SRSF9: variants seen among roughly 807,000 people sequenced by gnomAD.
The protein encoded by SRSF9 is serine and arginine rich splicing factor 9.
A neutral mutation model predicts 25.9 loss-of-function variants in SRSF9; 3 were observed. The observed-to-expected ratio is 0.12, with a 90% confidence interval of 0.05 to 0.30. The LOEUF (loss-of-function observed/expected upper bound fraction) is 0.30. Ranked by LOEUF, SRSF9 falls within the 10% of genes least tolerant of loss-of-function variation. SRSF9 has a pLI of 1.00. For missense variants in SRSF9, 161 were observed against 303.5 expected (o/e 0.53, Z 3.49); for synonymous variants, 114 against 113.2 (o/e 1.01, Z -0.05).
Position 120,469,495 on chromosome 12 carries a change from G to C in SRSF9, c.115C>G (p.Arg39Gly). ...TTCTTGAGCTCGATCTCGCGGATGC[G>C]GCCGTACTTGTAGAACAGGTCCTCC... ...DLEDLFYKYG[R>G]IREIELKNRH... The change falls in exon 1 of 4, where the codon CGC becomes GGC. Residue 39 changes from arginine (R) to glycine (G), a missense_variant. Around this residue, in one of 3 missense-constraint regions of SRSF9, gnomAD observed 99 missense variants for 156.7 expected, o/e 0.63. Transcript: ENST00000229390. The C allele has an allele frequency of 6.2e-7, 1 of 1,602,846 alleles. No individual in the cohort carries two copies. Among genetic ancestry groups the C allele is most frequent in the Non-Finnish European group, 8.5e-7 (1 of 1,175,866 alleles).
Position 120,467,964 on chromosome 12 carries a change from G to A in SRSF9, c.188+1458C>T, listed in dbSNP as rs569966845. Among the ~76,000 whole-genome samples, 63 of 108,010 alleles carry A rather than the reference G, an allele frequency of 5.8e-4. 2 individuals carry two copies. The highest frequency in any genetic ancestry group is 2.2e-3 in the African/African-American group (60 of 27,192). 70.9% of individuals were successfully genotyped at this position (108,010 alleles called of 152,430 possible). A position where few individuals can be genotyped will look rare whatever the true frequency, so the allele number is the denominator to read the frequency against. On this transcript the variant is annotated intron_variant, in intron 1 of 3. Transcript: ENST00000229390. ...AGAAAAATCAGCCAGGCATGATGGCGGGCGCCTGTAATCCCAGCTACTGGG... is the reference window on the plus strand; with the variant it reads ...AGAAAAATCAGCCAGGCATGATGGCAGGCGCCTGTAATCCCAGCTACTGGG...
At chr12:120,466,611 A>G (rs532315464) in intron 1 of SRSF9, among the ~76,000 whole-genome samples, 33 of 152,110 alleles carry the variant, frequency 2.2e-4, no homozygotes, top group African/African-American at 7.0e-4. Context: ...AGCATAACTC[A>G]CAGCAGCTTC....
intron 3 of SRSF9, chr12:120,463,276 G>A (rs1286610195): frequency 6.6e-6 from 1 of 152,136 alleles, no homozygotes; most frequent in Non-Finnish European, 1.5e-5. Context: ...ACAAGAAAAT[G>A]TTACGGTTTA....
intron 3 of SRSF9, chr12:120,463,152 T>C (rs1461518404): frequency 6.6e-6 from 1 of 152,082 alleles, no homozygotes; most frequent in East Asian, 1.9e-4. Flanking sequence ...CTGGTCTCAA[T>C]GGTACCAAAG....
At chr12:120,466,383 G>C (rs1287008123) in intron 1 of SRSF9, among the ~76,000 whole-genome samples, 3 of 152,116 alleles carry the variant, frequency 2.0e-5, no homozygotes, top group Non-Finnish European at 4.4e-5. Context: ...TTAGATAGGA[G>C]AGTATTTGAG....
At chr12:120,467,469 C>T (rs1878505681) in intron 1 of SRSF9, among the ~76,000 whole-genome samples, 1 of 152,184 alleles carries the variant, frequency 6.6e-6, no homozygotes, top group Admixed American at 6.6e-5. Flanking sequence ...CCGCTACACT[C>T]CAGCCTGCAC....
In SRSF9 at chr12:120,469,303, T is replaced by A. The variant is rs1242582242; in HGVS notation, c.188+119A>T. On this transcript the variant is annotated intron_variant, in intron 1 of 3. Transcript: ENST00000229390. ...ACCCGTGAGGGGGCGCCGTGAGGGG[T>A]CTGCGCGGAGGCGGGGGGAGGGGAG... 3 of 621,968 alleles carry A rather than the reference T, an allele frequency of 4.8e-6. No individual in the cohort carries two copies. The African/African-American group carries it at 6.0e-5, about 12-fold the overall frequency. 38.5% of individuals were successfully genotyped at this position (621,968 alleles called of 1,614,324 possible).
chr12:120,466,232 A>G (rs1338487814), intron 1 of SRSF9, among the ~76,000 whole-genome samples: 1 of 152,230 alleles, frequency 6.6e-6, no homozygotes, highest in African/African-American at 2.4e-5. Flanking sequence ...GTAGGCGGTT[A>G]GCCAGGCATG....
intron 1 of SRSF9, 68 bp downstream of exon 1, chr12:120,469,354 A>T: frequency 1.8e-6 from 2 of 1,088,998 alleles, no homozygotes; most frequent in Non-Finnish European, 2.5e-6. Context: ...GCCCTGGGGG[A>T]GGGGACAGCA....
intron 1 of SRSF9, among the ~76,000 whole-genome samples, chr12:120,466,759 C>T (rs1878489862): frequency 6.6e-6 from 1 of 152,172 alleles, no homozygotes; most frequent in East Asian, 1.9e-4. Context: ...TGGTCTTGAA[C>T]TCCTGGGCTC....
Position 120,465,610 on chromosome 12 carries a change from G to A in SRSF9, c.349+17C>T, listed in dbSNP as rs1878465253. On this transcript the variant is annotated intron_variant, in intron 2 of 3. Coordinates refer to ENST00000229390, the MANE Select transcript of SRSF9 (RefSeq NM_003769.3). ...TATTTTACATGTATCATCTCATTCT[G>A]TTTGAAAGGAACATACCTGAAACAA... is the stretch of plus-strand genomic sequence containing the variant. The A allele has an allele frequency of 6.4e-7, 1 of 1,569,092 alleles. No individual in the cohort carries two copies. Among genetic ancestry groups the A allele is most frequent in the Non-Finnish European group, 8.6e-7 (1 of 1,165,956 alleles).
In SRSF9 at chr12:120,469,592, G is replaced by A. The variant is rs936740323; in HGVS notation, c.18C>T (p.Asp6=). 6.6e-7 allele frequency: 1 copy of A among 1,524,462 alleles called. No individual in the cohort carries two copies. The highest frequency in any genetic ancestry group is 1.2e-5 in the South Asian group (1 of 82,136). 94.4% of individuals were successfully genotyped at this position (1,524,462 alleles called of 1,614,324 possible). Residue 6 remains aspartate, a synonymous_variant, in exon 1 of 4, where the codon GAC becomes GAT. Transcript: ENST00000229390. The part of the protein sequence containing the change: MSGWA[D]ERGGEGDGRI... ...GCCCGTCGCCCTCGCCGCCGCGCTC[G>A]TCCGCCCAGCCCGACATCCGCACCG...
intron 3 of SRSF9, 180 bp from the exon 4 acceptor site, chr12:120,462,342 C>A: frequency 1.9e-6 from 1 of 534,224 alleles, no homozygotes; most frequent in South Asian, 4.0e-5. Flanking sequence ...CTTACTATCC[C>A]ATTTCAAGAA....
chr12:120,464,932 CAG>C (rs1455905575), intron 2 of SRSF9: 1 of 152,158 alleles, frequency 6.6e-6, no homozygotes, highest in Non-Finnish European at 1.5e-5. Context: ...ACAAGATAGG[CAG>C]ATACTGAGAG....
At position 120,469,676 on chromosome 12, in the gene SRSF9, C is replaced by A. The variant is rs987835147; in HGVS notation, c.-67G>T. On this transcript the variant is annotated 5_prime_UTR_variant, in exon 1 of 4. Coordinates refer to ENST00000229390, the MANE Select transcript of SRSF9 (RefSeq NM_003769.3). Reference sequence around the variant, plus strand: ...CCGCCGCCGCCTCAGCACGGGTCCCCCCGCAGCGTCCCCGCGGGCTCCGAG... The same window carrying A: ...CCGCCGCCGCCTCAGCACGGGTCCCACCGCAGCGTCCCCGCGGGCTCCGAG... The A allele has an allele frequency of 9.6e-7, 1 of 1,038,168 alleles. No homozygotes were observed. Among genetic ancestry groups the A allele is most frequent in the East Asian group, 3.9e-5 (1 of 25,426 alleles). 64.3% of individuals were successfully genotyped at this position (1,038,168 alleles called of 1,614,324 possible).
intron 3 of SRSF9, chr12:120,462,932 T>A (rs1485790655): frequency 6.6e-6 from 1 of 152,208 alleles, no homozygotes; most frequent in Non-Finnish European, 1.5e-5. Context: ...CTGTTCTGTT[T>A]CTGCTTCAAA....
rs2137053407 is a variant in SRSF9, at chr12:120,469,327, AG to A, written c.188+94del. 1.2e-5 allele frequency: 8 copies of A among 691,292 alleles called. No individual in the cohort carries two copies. The South Asian group carries it at 1.4e-4, about 12-fold the overall frequency. 42.8% of individuals were successfully genotyped at this position (691,292 alleles called of 1,614,324 possible). ...GTCTGCGCGGAGGCGGGGGGAGGGGAGGCCGGGGGGAGGGGAGCCCTGGGGG... is the reference window on the plus strand; with the variant it reads ...GTCTGCGCGGAGGCGGGGGGAGGGGAGCCGGGGGGAGGGGAGCCCTGGGGG... On this transcript the variant is annotated intron_variant, in intron 1 of 3. Transcript: ENST00000229390.
At chr12:120,466,232 A>T (rs1338487814) in intron 1 of SRSF9, among the ~76,000 whole-genome samples, 1 of 152,348 alleles carries the variant, frequency 6.6e-6, no homozygotes. Context: ...GTAGGCGGTT[A>T]GCCAGGCATG....
intron 2 of SRSF9, chr12:120,464,583 A>G (rs1302584656): frequency 6.5e-6 from 1 of 153,666 alleles, no homozygotes; most frequent in Non-Finnish European, 1.4e-5. Context: ...GTAACAACAC[A>G]ACAACAAAAA....
Sources: allele counts gnomAD v4.1 joint callset (sites outside exome capture counted in the v4.1 genomes callset), GRCh38; gene constraint gnomAD v4.1.1; regional missense constraint gnomAD v4.1.1; transcripts MANE v1.5; gene names NCBI Gene and HGNC (gene_info 2026-07-23, HGNC 2026-07-21).